MACROD2: variants seen among roughly 807,000 people sequenced by gnomAD.
The protein encoded by MACROD2 is ADP-ribose glycohydrolase MACROD2.
Under a neutral mutation model 70.4 loss-of-function variants are expected in MACROD2, and 36 were observed. The observed-to-expected ratio is 0.51, with a 90% confidence interval of 0.39 to 0.68. The LOEUF is 0.68. Ranked by LOEUF, MACROD2 falls within the 30% of genes least tolerant of loss-of-function variation. The probability of loss-of-function intolerance (pLI) is 0.00; values close to 1 mark genes in which losing one functional copy is unlikely to be tolerated. For missense variants in MACROD2, 496 were observed against 538.4 expected, an observed-to-expected ratio of 0.92 and a Z score of 0.78; for synonymous variants, 172 against 178.8, an observed-to-expected ratio of 0.96 and a Z score of 0.30.
At chr20:14,293,140 C>T (rs2082399654) in intron 3 of MACROD2, among the ~76,000 whole-genome samples, 1 of 151,576 alleles carries the variant, frequency 6.6e-6, no homozygotes, top group African/African-American at 2.4e-5. Context: ...TTTGTACAAA[C>T]TTAAACATAA....
intron 3 of MACROD2, among the ~76,000 whole-genome samples, chr20:14,392,941 C>T (rs750295828): frequency 6.6e-6 from 1 of 152,106 alleles, no homozygotes; most frequent in African/African-American, 2.4e-5. Flanking sequence ...CTGTGCCTGT[C>T]CAGACTGTCT....
chr20:14,907,953 C>T (rs1480990612), intron 5 of MACROD2, among the ~76,000 whole-genome samples: 1 of 152,150 alleles, frequency 6.6e-6, no homozygotes, highest in East Asian at 1.9e-4. Context: ...CTTTTGCATA[C>T]AAACACATCC....
At chr20:15,463,854 A>G (rs1174858160) in intron 7 of MACROD2, among the ~76,000 whole-genome samples, 2 of 152,248 alleles carry the variant, frequency 1.3e-5, no homozygotes, top group African/African-American at 4.8e-5. Context: ...ATTTTATTCC[A>G]AACTTCCCCT....
intron 3 of MACROD2, among the ~76,000 whole-genome samples, chr20:14,456,713 C>CTTTTTTTTTTTTTTTTTTTTTTTTTTTT (rs10696382): frequency 9.9e-6 from 1 of 101,132 alleles, no homozygotes. Context: ...GACTCAGGAT[C>CTTTTTTTTTTTTTTTTTTTTTTTTTTTT]TTTTTTTTTT....
At position 14,322,175 on chromosome 20, in the gene MACROD2, AATATAT is replaced by A. The variant is rs374464781; in HGVS notation, c.272-171283_272-171278del. 4.3e-3 allele frequency among the ~76,000 whole-genome samples: 286 copies of A among 66,378 alleles called. 19 individuals are homozygous for A. Among genetic ancestry groups the A allele is most frequent in the African/African-American group, 6.5e-3 (142 of 21,892 alleles). 43.5% of individuals were successfully genotyped at this position (66,378 alleles called of 152,430 possible). On this transcript the variant is annotated intron_variant, in intron 3 of 17. Transcript: ENST00000684519. Reference sequence around the variant, plus strand: ...GACTTGTATCTTGATATTCTATTGAAATATATATATATATATATATATATATTTTGT... The same window carrying A: ...GACTTGTATCTTGATATTCTATTGAAATATATATATATATATATATTTTGT...
chr20:15,532,183 T>C (rs1028784626), intron 8 of MACROD2, among the ~76,000 whole-genome samples: 8 of 152,148 alleles, frequency 5.3e-5, no homozygotes, highest in African/African-American at 1.9e-4. Flanking sequence ...TCAGTTAGAT[T>C]TGAATTCAGA....
chr20:15,182,208 T>G (rs766780603), intron 5 of MACROD2, among the ~76,000 whole-genome samples: 2 of 152,148 alleles, frequency 1.3e-5, no homozygotes, highest in Non-Finnish European at 2.9e-5. Flanking sequence ...TGTCTTCCCA[T>G]AGTAACAAAA....
At chr20:14,558,730 C>T (rs1979226018) in intron 4 of MACROD2, among the ~76,000 whole-genome samples, 2 of 151,818 alleles carry the variant, frequency 1.3e-5, no homozygotes, top group East Asian at 3.9e-4. Flanking sequence ...ATTCTTTAAA[C>T]CTTACTCCAC....
intron 8 of MACROD2, among the ~76,000 whole-genome samples, chr20:15,620,236 A>G (rs1036351537): frequency 2.0e-5 from 3 of 152,140 alleles, no homozygotes; most frequent in African/African-American, 7.2e-5. Context: ...GTTAAGAAGG[A>G]ACGAATGAGT....
intron 7 of MACROD2, among the ~76,000 whole-genome samples, chr20:15,480,915 G>A (rs1307206483): frequency 6.6e-6 from 1 of 152,084 alleles, no homozygotes; most frequent in Non-Finnish European, 1.5e-5. Context: ...CCACCTCTGA[G>A]TGTCTCCATG....
intron 8 of MACROD2, among the ~76,000 whole-genome samples, chr20:15,586,882 A>T (rs2048610091): frequency 6.6e-6 from 1 of 152,186 alleles, no homozygotes; most frequent in Non-Finnish European, 1.5e-5. Context: ...TATTTTAAAA[A>T]TTTGTGAGAT....
chr20:14,144,049 A>AT (rs2054911885), intron 3 of MACROD2, among the ~76,000 whole-genome samples: 1 of 149,916 alleles, frequency 6.7e-6, no homozygotes. Context: ...TTTTTAGGAG[A>AT]TTTTAGGGAG....
chr20:15,477,755 C>T (rs2047042087), intron 7 of MACROD2, among the ~76,000 whole-genome samples: 1 of 152,122 alleles, frequency 6.6e-6, no homozygotes. Flanking sequence ...AGAGACTTTA[C>T]AGATATTGAT....
intron 8 of MACROD2, among the ~76,000 whole-genome samples, chr20:15,704,558 A>G (rs1423842292): frequency 8.5e-5 from 13 of 152,224 alleles, no homozygotes; most frequent in African/African-American, 3.1e-4. Flanking sequence ...TTAAATATTT[A>G]TATGAATCAT....
intron 4 of MACROD2, among the ~76,000 whole-genome samples, chr20:14,515,925 A>G (rs371492004): frequency 6.7e-6 from 1 of 150,118 alleles, no homozygotes; most frequent in Non-Finnish European, 1.5e-5. Context: ...TACAGTGTAT[A>G]CATAGATCAA....
chr20:14,627,158 G>A (rs761849479), intron 4 of MACROD2: 4 of 152,208 alleles, frequency 2.6e-5, no homozygotes, highest in Non-Finnish European at 5.9e-5. Flanking sequence ...AGTGGCCTGA[G>A]GAGTGAACTA....
At chr20:16,003,032 C>T (rs2066731857) in intron 15 of MACROD2, among the ~76,000 whole-genome samples, 2 of 151,582 alleles carry the variant, frequency 1.3e-5, no homozygotes, top group South Asian at 2.1e-4. Flanking sequence ...AGGCACTGGG[C>T]TCGGGGCTGG....
intron 5 of MACROD2, among the ~76,000 whole-genome samples, chr20:15,137,426 G>A (rs1210047222): frequency 6.6e-6 from 1 of 151,380 alleles, no homozygotes; most frequent in Non-Finnish European, 1.5e-5. Flanking sequence ...GGATGAAATT[G>A]GAAATCATCA....
chr20:14,559,643 A>C (rs1979293804), intron 4 of MACROD2, among the ~76,000 whole-genome samples: 1 of 151,822 alleles, frequency 6.6e-6, no homozygotes, highest in Admixed American at 6.6e-5. Flanking sequence ...AAATGTTCAA[A>C]GCTTATAGTA....
Sources: gnomAD v4.1 joint callset for allele counts (sites outside exome capture counted in the v4.1 genomes callset) on GRCh38, gnomAD v4.1.1 for gene constraint, MANE v1.5 for transcripts, NCBI Gene and HGNC (gene_info 2026-07-23, HGNC 2026-07-21) for gene names.